ELFN1: variants seen among roughly 807,000 people sequenced by gnomAD.
ELFN1 encodes protein ELFN1.
A neutral mutation model predicts 7.6 loss-of-function variants in ELFN1; 6 were observed. The observed-to-expected ratio is 0.79, with a 90% CI of 0.43 to 1.56. The LOEUF (loss-of-function observed/expected upper bound fraction) is 1.56. ELFN1 is among the 40% of genes most tolerant of loss of function. The pLI, the probability that ELFN1 is intolerant of heterozygous loss-of-function variation, is 0.01. For synonymous variants in ELFN1, 657 were observed against 588.1 expected (o/e 1.12, Z -1.70); for missense variants, 1,169 against 1,232.2 (o/e 0.95, Z 0.77).
intron 3 of ELFN1, among the ~76,000 whole-genome samples, chr7:1,720,221 C>G (rs1162574090): frequency 6.6e-6 from 1 of 152,254 alleles, no homozygotes; most frequent in Non-Finnish European, 1.5e-5. Context: ...TCCTTGCACT[C>G]AGGCCCAGGC....
At chr7:1,672,009 G>C (rs920106259) in intron 1 of ELFN1, among the ~76,000 whole-genome samples, 1 of 152,184 alleles carries the variant, frequency 6.6e-6, no homozygotes, top group African/African-American at 2.4e-5. Flanking sequence ...CAGAGATTGG[G>C]GGCCATGCCC....
At chr7:1,720,738 C>A (rs561641413) in intron 3 of ELFN1, among the ~76,000 whole-genome samples, 5 of 150,896 alleles carry the variant, frequency 3.3e-5, no homozygotes, top group Non-Finnish European at 7.4e-5. Context: ...GCACCCCCCA[C>A]CCCCCGCACC....
chr7:1,711,575 T>TGAGAGAGAGAGA lies in ELFN1; in HGVS notation c.-294+2364_-294+2375dup, dbSNP rs55658122. Among the ~76,000 whole-genome samples the TGAGAGAGAGAGA allele has an allele frequency of 3.8e-4, 33 of 87,570 alleles. 1 individual carries two copies. Among genetic ancestry groups the TGAGAGAGAGAGA allele is most frequent in the South Asian group, 4.6e-4 (1 of 2,180 alleles). The allele number at this position is 87,570 out of a possible 152,430, so 57.4% of individuals were successfully genotyped here. A position where few individuals can be genotyped will look rare whatever the true frequency, so the allele number is the denominator to read the frequency against. ...AAACCTTGAAGAGAGAGCGAGAGAGTGAGAGAGAGAGAGAGAGAGAGAGAG... is the reference window on the plus strand; with the variant it reads ...AAACCTTGAAGAGAGAGCGAGAGAGTGAGAGAGAGAGAGAGAGAGAGAGAGAGAGAGAGAGAG... On this transcript the variant is annotated intron_variant, in intron 3 of 3. Transcript: ENST00000424383.
At chr7:1,725,502 C>T (rs1238072319) in intron 3 of ELFN1, among the ~76,000 whole-genome samples, 1 of 152,078 alleles carries the variant, frequency 6.6e-6, no homozygotes, top group African/African-American at 2.4e-5. Context: ...GGGGTGGGAG[C>T]AGAACACAGG....
chr7:1,675,611 G>C (rs577923032), intron 1 of ELFN1, among the ~76,000 whole-genome samples: 2 of 152,342 alleles, frequency 1.3e-5, no homozygotes, highest in South Asian at 4.1e-4. Context: ...AATCCCGCCC[G>C]GCTTCCTGGG....
At chr7:1,700,060 C>G (rs1779394192) in intron 2 of ELFN1, among the ~76,000 whole-genome samples, 4 of 152,186 alleles carry the variant, frequency 2.6e-5, no homozygotes. Flanking sequence ...CTCTATCAAG[C>G]AGCAATGGAA....
chr7:1,737,216 C>T (rs1254449721), intron 3 of ELFN1, among the ~76,000 whole-genome samples: 5 of 152,182 alleles, frequency 3.3e-5, no homozygotes, highest in Admixed American at 6.5e-5. Flanking sequence ...CACCCCGTCT[C>T]GCACACCTCC....
chr7:1,685,477 G>C (rs1024929615), intron 1 of ELFN1, among the ~76,000 whole-genome samples: 3 of 152,084 alleles, frequency 2.0e-5, no homozygotes, highest in East Asian at 1.9e-4. Context: ...ATGTATGTCA[G>C]AGGCACAGTT....
chr7:1,720,665 G>C (rs1779992552), intron 3 of ELFN1, among the ~76,000 whole-genome samples: 1 of 152,076 alleles, frequency 6.6e-6, no homozygotes, highest in South Asian at 2.1e-4. Flanking sequence ...CTATTCCAGT[G>C]CATCTCAGGC....
Position 1,696,539 on chromosome 7 carries a change from G to A in ELFN1, c.-456+8389G>A, listed in dbSNP as rs181886642. On this transcript the variant is annotated intron_variant, in intron 2 of 3. Transcript: ENST00000424383. ...CCATAGTAGCTGGGACCACAGGTGC[G>A]TGCCACCACACCCATGCACTAACTA... is the stretch of plus-strand genomic sequence containing the variant. Among the ~76,000 whole-genome samples the A allele has an allele frequency of 2.7e-4, 41 of 152,110 alleles. No homozygotes were observed. In the South Asian group the frequency reaches 3.7e-3, roughly 14 times the overall value.
intron 3 of ELFN1, among the ~76,000 whole-genome samples, chr7:1,710,410 C>A (rs1779624784): frequency 6.6e-6 from 1 of 152,200 alleles, no homozygotes; most frequent in Non-Finnish European, 1.5e-5. Flanking sequence ...GGGGAGGGAT[C>A]CCAAAGGACC....
At chr7:1,700,315 T>A in intron 2 of ELFN1, among the ~76,000 whole-genome samples, 1 of 152,244 alleles carries the variant, frequency 6.6e-6, no homozygotes, top group Non-Finnish European at 1.5e-5. Flanking sequence ...AGACGTAGAA[T>A]GCTGGCGGCC....
At chr7:1,682,443 A>T (rs1583314173) in intron 1 of ELFN1, among the ~76,000 whole-genome samples, 1 of 151,348 alleles carries the variant, frequency 6.6e-6, no homozygotes, top group Non-Finnish European at 1.5e-5. Flanking sequence ...ATTTTATTTT[A>T]TTTTTTTTAT....
upstream of ELFN1, among the ~76,000 whole-genome samples, chr7:1,669,086 TGGAGAACCCTA>T (rs1486846753): frequency 1.3e-5 from 2 of 152,242 alleles, no homozygotes; most frequent in African/African-American, 4.8e-5. Context: ...TTCTGGCTCC[TGGAGAACCCTA>T]GGACCCGGGC....
intron 3 of ELFN1, among the ~76,000 whole-genome samples, chr7:1,712,130 TG>T (rs1369962809): frequency 6.6e-6 from 1 of 152,230 alleles, no homozygotes; most frequent in East Asian, 1.9e-4. Context: ...TCTTTTCGTG[TG>T]GGGGTCCCTT....
chr7:1,744,463 G>C lies in ELFN1; in HGVS notation c.-134G>C. Reference sequence around the variant, plus strand: ...CGCGCTTACGTCGCGCGGCCATGCGGTTTGGGACAGGACACCCCTGAGAGT... The same window carrying C: ...CGCGCTTACGTCGCGCGGCCATGCGCTTTGGGACAGGACACCCCTGAGAGT... On this transcript the variant is annotated 5_prime_UTR_variant, in exon 4 of 4. Transcript: ENST00000424383. The C allele has an allele frequency of 1.8e-6, 2 of 1,099,428 alleles. No individual in the cohort carries two copies. Among genetic ancestry groups the C allele is most frequent in the Non-Finnish European group, 2.5e-6 (2 of 808,066 alleles). The allele number at this position is 1,099,428 out of a possible 1,614,324, so 68.1% of individuals were successfully genotyped here.
intron 3 of ELFN1, among the ~76,000 whole-genome samples, chr7:1,725,572 CA>C (rs1780168821): frequency 6.6e-6 from 1 of 152,242 alleles, no homozygotes; most frequent in South Asian, 2.1e-4. Flanking sequence ...GGTGCACTCA[CA>C]CCCCAGTTGG....
chr7:1,720,674 G>A (rs993435787), intron 3 of ELFN1, among the ~76,000 whole-genome samples: 1 of 152,054 alleles, frequency 6.6e-6, no homozygotes, highest in African/African-American at 2.4e-5. Flanking sequence ...TGCATCTCAG[G>A]CCCTGGAGAC....
chr7:1,669,862 TCCCCCCAC>T (rs942328668), upstream of ELFN1, among the ~76,000 whole-genome samples: 8 of 124,284 alleles, frequency 6.4e-5, no homozygotes, highest in African/African-American at 2.3e-4. Context: ...TCGCCCCCAC[TCCCCCCAC>T]CCACCCACCC....
Sources: allele counts gnomAD v4.1 joint callset (sites outside exome capture counted in the v4.1 genomes callset), GRCh38; gene constraint gnomAD v4.1.1; transcripts MANE v1.5; gene names NCBI Gene and HGNC (gene_info 2026-07-23, HGNC 2026-07-21).